The following PGM2L1 variants were observed in gnomAD, a reference collection of about 807,000 sequenced individuals.
The protein encoded by PGM2L1 is glucose 1,6-bisphosphate synthase.
PGM2L1 carries 35 observed loss-of-function variants against 73.4 expected under a neutral mutation model. That is an observed-to-expected ratio of 0.48 (90% CI 0.36 to 0.63). The LOEUF (loss-of-function observed/expected upper bound fraction) is 0.63, where lower values mean the gene tolerates loss of function less well. Ranked by LOEUF, PGM2L1 falls within the 30% of genes least tolerant of loss-of-function variation. The probability of loss-of-function intolerance (pLI) is 0.00; values close to 1 mark genes in which losing one functional copy is unlikely to be tolerated. For synonymous variants in PGM2L1, 225 were observed against 253.8 expected (o/e 0.89, Z 1.08); for missense variants, 570 against 742.0 (o/e 0.77, Z 2.69).
chr11:74,336,751 G>A lies in PGM2L1; in HGVS notation c.1770C>T (p.Asp590=). The A allele has an allele frequency of 6.3e-7, 1 of 1,589,952 alleles. No homozygotes were observed. The highest frequency in any genetic ancestry group is 1.7e-5 in the Admixed American group (1 of 57,608). Residue 590 remains aspartate (D), a synonymous_variant, in exon 14 of 14, where the codon GAC becomes GAT. Transcript: ENST00000298198. Reference sequence around the variant, plus strand: ...TCAGTTCTTCCTCCAGTAAAGCAGTGTCACTGAGGAAAAGATGAAGAGTTT... The same window carrying A: ...TCAGTTCTTCCTCCAGTAAAGCAGTATCACTGAGGAAAAGATGAAGAGTTT... The part of the protein sequence containing the change: ...AEMCASPDQS[D]TALLEEELKK...
At chr11:74,340,945 T>C (rs1862173041) in intron 12 of PGM2L1, among the ~76,000 whole-genome samples, 1 of 152,152 alleles carries the variant, frequency 6.6e-6, no homozygotes, top group South Asian at 2.1e-4. Flanking sequence ...AAAAAATGTA[T>C]ACATGTAGGT....
chr11:74,392,369 TA>T (rs1863115248), intron 1 of PGM2L1, among the ~76,000 whole-genome samples: 1 of 152,012 alleles, frequency 6.6e-6, no homozygotes, highest in Non-Finnish European at 1.5e-5. Context: ...ATTTGAATTC[TA>T]AAAAGAAAAA....
intron 1 of PGM2L1, among the ~76,000 whole-genome samples, chr11:74,382,103 A>C (rs1272582280): frequency 6.6e-6 from 1 of 152,222 alleles, no homozygotes; most frequent in Non-Finnish European, 1.5e-5. Context: ...TTTTAAAATG[A>C]ATAAGCCTAG....
At chr11:74,395,700 C>T (rs1229855572) in intron 1 of PGM2L1, among the ~76,000 whole-genome samples, 1 of 151,754 alleles carries the variant, frequency 6.6e-6, no homozygotes, top group African/African-American at 2.4e-5. Flanking sequence ...AGCCACCGTG[C>T]CTGACCTCTC....
chr11:74,395,774 T>G (rs1263163798), intron 1 of PGM2L1, among the ~76,000 whole-genome samples: 1 of 151,918 alleles, frequency 6.6e-6, no homozygotes, highest in Non-Finnish European at 1.5e-5. Flanking sequence ...GTCCACCGTT[T>G]ACTCCTACTT....
At chr11:74,360,220 A>T (rs1862534806) in intron 5 of PGM2L1, among the ~76,000 whole-genome samples, 2 of 150,098 alleles carry the variant, frequency 1.3e-5, no homozygotes, top group Admixed American at 6.6e-5. Context: ...ACAGAGCAAG[A>T]CCTTGTCTTA....
Position 74,354,756 on chromosome 11 carries a change from A to C in PGM2L1, c.556-3180T>G, listed in dbSNP as rs1591174152. 19 of 1,053,276 alleles carry C rather than the reference A, an allele frequency of 1.8e-5. 1 individual carries two copies. In the South Asian group the frequency reaches 2.0e-4, roughly 11 times the overall value. 65.2% of individuals were successfully genotyped at this position (1,053,276 alleles called of 1,614,324 possible). ...CACCAGGTGCCCACTTAACTGTGAA[A>C]AAGCTATTTGTTGGTAGCATTAAAG... On this transcript the variant is annotated intron_variant, in intron 5 of 13. Transcript: ENST00000298198.
chr11:74,363,417 C>G (rs551120256), intron 5 of PGM2L1, among the ~76,000 whole-genome samples: 10 of 152,030 alleles, frequency 6.6e-5, no homozygotes, highest in Non-Finnish European at 1.2e-4. Context: ...GATAGAGACA[C>G]AGAAAACCCT....
At chr11:74,369,105 T>C (rs1862709874) in intron 4 of PGM2L1, among the ~76,000 whole-genome samples, 1 of 152,156 alleles carries the variant, frequency 6.6e-6, no homozygotes, top group South Asian at 2.1e-4. Flanking sequence ...AACTCTTCAG[T>C]CCACACATCC....
At chr11:74,383,654 G>A (rs1021590748) in intron 1 of PGM2L1, among the ~76,000 whole-genome samples, 21 of 151,736 alleles carry the variant, frequency 1.4e-4, no homozygotes, top group African/African-American at 5.1e-4. Context: ...GTGTCCATGT[G>A]TTCTCATTGT....
In PGM2L1 at chr11:74,333,511, A is replaced by C. The variant is rs1862044607; in HGVS notation, c.*3141T>G. ...TTTTCTTCCTTTTTATTTCTGCTCT[A>C]CCTCTTCCTGAGTTCTCACATGATT... is the stretch of plus-strand genomic sequence containing the variant. On this transcript the variant is annotated 3_prime_UTR_variant, in exon 14 of 14. Coordinates refer to ENST00000298198, the MANE Select transcript of PGM2L1 (RefSeq NM_173582.6). 1 of 152,094 alleles carries C rather than the reference A, an allele frequency of 6.6e-6. No individual in the cohort carries two copies. Among genetic ancestry groups the C allele is most frequent in the Non-Finnish European group, 1.5e-5 (1 of 68,014 alleles). The allele number at this position is 152,094 out of a possible 1,614,324, so 9.4% of individuals were successfully genotyped here.
At chr11:74,344,279 G>C (rs531829055) in intron 9 of PGM2L1, among the ~76,000 whole-genome samples, 1 of 152,110 alleles carries the variant, frequency 6.6e-6, no homozygotes. Context: ...TACTCTCCCT[G>C]AGTAATCAAT....
chr11:74,358,252 T>C (rs1862493664), intron 5 of PGM2L1, among the ~76,000 whole-genome samples: 1 of 152,094 alleles, frequency 6.6e-6, no homozygotes, highest in African/African-American at 2.4e-5. Flanking sequence ...TGGGGACAAG[T>C]GGGTATATGG....
At chr11:74,353,059 G>A (rs1862382277) in intron 5 of PGM2L1, among the ~76,000 whole-genome samples, 1 of 152,224 alleles carries the variant, frequency 6.6e-6, no homozygotes, top group South Asian at 2.1e-4. Flanking sequence ...CAAATCCAAG[G>A]TCTGCACTTC....
intron 5 of PGM2L1, among the ~76,000 whole-genome samples, chr11:74,352,709 A>G (rs1379445146): frequency 6.6e-6 from 1 of 152,246 alleles, no homozygotes; most frequent in African/African-American, 2.4e-5. Context: ...AATGCTACAT[A>G]AAACAGAAAA....
intron 1 of PGM2L1, among the ~76,000 whole-genome samples, chr11:74,388,626 T>C (rs1392220762): frequency 6.6e-6 from 1 of 152,236 alleles, no homozygotes; most frequent in Non-Finnish European, 1.5e-5. Context: ...GACATTAAAA[T>C]GTCTTTGAAT....
chr11:74,361,772 T>G (rs7121767), intron 5 of PGM2L1, among the ~76,000 whole-genome samples: 57,091 of 152,094 alleles, frequency 0.38, 12,668 homozygotes, highest in East Asian at 0.52. Context: ...AGTAGCCCAT[T>G]TGATCAACTG....
chr11:74,365,878 T>C (rs978598376), intron 5 of PGM2L1, among the ~76,000 whole-genome samples: 3 of 152,110 alleles, frequency 2.0e-5, no homozygotes, highest in African/African-American at 4.8e-5. Flanking sequence ...ACCCAAAGGA[T>C]TATAAATCAT....
At chr11:74,365,611 A>T (rs1190045702) in intron 5 of PGM2L1, among the ~76,000 whole-genome samples, 10 of 152,238 alleles carry the variant, frequency 6.6e-5, no homozygotes. Context: ...ACATGAAAAA[A>T]TGCTCATCAT....
Sources: allele counts gnomAD v4.1 joint callset (sites outside exome capture counted in the v4.1 genomes callset), GRCh38; gene constraint gnomAD v4.1.1; transcripts MANE v1.5; gene names NCBI Gene and HGNC (gene_info 2026-07-23, HGNC 2026-07-21).